The following RFX3 variants were observed in gnomAD, a reference collection of about 807,000 sequenced individuals.
RFX3 encodes transcription factor RFX3.
RFX3 carries 14 observed loss-of-function variants against 98.6 expected under a neutral mutation model. That is an observed-to-expected ratio of 0.14 (90% CI 0.09 to 0.22). RFX3 has a LOEUF of 0.22. Among genes scored for constraint, RFX3 ranks in the 10% least tolerant of loss-of-function variants. The probability of loss-of-function intolerance (pLI) is 1.00; values close to 1 mark genes in which losing one functional copy is unlikely to be tolerated. For synonymous variants in RFX3, 383 were observed against 328.4 expected (o/e 1.17, Z -1.80); for missense variants, 639 against 926.9 (o/e 0.69, Z 4.03).
chr9:3,234,925 C>A (rs1818935220), intron 15 of RFX3, among the ~76,000 whole-genome samples: 1 of 152,170 alleles, frequency 6.6e-6, no homozygotes, highest in Non-Finnish European at 1.5e-5. Context: ...ATATGGGCAT[C>A]AACTGATGAA....
intron 13 of RFX3, among the ~76,000 whole-genome samples, chr9:3,260,304 A>C (rs1185585913): frequency 6.6e-6 from 1 of 151,992 alleles, no homozygotes; most frequent in African/African-American, 2.4e-5. Flanking sequence ...AAGAAAGGGT[A>C]TTCTTAAAGT....
intron 2 of RFX3, among the ~76,000 whole-genome samples, chr9:3,376,653 C>T (rs35945655): frequency 1.3e-5 from 2 of 151,600 alleles, no homozygotes; most frequent in Non-Finnish European, 2.9e-5. Context: ...AGAGTGAACA[C>T]GCAACCTACA....
At chr9:3,307,407 G>A (rs947809009) in intron 4 of RFX3, among the ~76,000 whole-genome samples, 2 of 151,998 alleles carry the variant, frequency 1.3e-5, no homozygotes, top group African/African-American at 4.8e-5. Flanking sequence ...TAATAATTTG[G>A]GATATAATGT....
At position 3,288,265 on chromosome 9, in the gene RFX3, A is replaced by C. The variant is rs1826898312; in HGVS notation, c.732-15T>G. The stretch of plus-strand genomic sequence containing the variant: ...TGGAGTTTCCTCTTCATTAATGAAC[A>C]AGAAACATTAGAAACAAAAGTCAGT... On this transcript the variant is annotated splice_polypyrimidine_tract_variant and intron_variant, in intron 6 of 16. Transcript: ENST00000617270. 8 of 1,610,586 alleles carry C rather than the reference A, an allele frequency of 5.0e-6. No individual in the cohort carries two copies. In the East Asian group the frequency reaches 1.8e-4, roughly 36 times the overall value.
intron 9 of RFX3, among the ~76,000 whole-genome samples, chr9:3,271,421 T>C (rs1824418489): frequency 6.6e-6 from 1 of 151,988 alleles, no homozygotes; most frequent in African/African-American, 2.4e-5. Flanking sequence ...TTTGCTTTCA[T>C]TCCTCTCTTC....
chr9:3,457,924 C>G (rs2132998767), intron 1 of RFX3, among the ~76,000 whole-genome samples: 1 of 151,972 alleles, frequency 6.6e-6, no homozygotes, highest in East Asian at 1.9e-4. Context: ...TCTATATTCC[C>G]AAGATAAAAA....
intron 2 of RFX3, among the ~76,000 whole-genome samples, chr9:3,378,732 T>A (rs1838839040): frequency 6.6e-6 from 1 of 151,908 alleles, no homozygotes; most frequent in Non-Finnish European, 1.5e-5. Flanking sequence ...AATTTTGTGT[T>A]TTGAGTAGAG....
rs539798217 is a variant in RFX3, at chr9:3,482,964, T to C, written c.-9+42783A>G. Reference sequence around the variant, plus strand: ...AATTCTCAATTAGCTATGGGTAGACTATCCACAACCAATCTTGCTTTTGAG... The same window carrying C: ...AATTCTCAATTAGCTATGGGTAGACCATCCACAACCAATCTTGCTTTTGAG... On this transcript the variant is annotated intron_variant, in intron 1 of 16. Coordinates refer to ENST00000617270, the MANE Select transcript of RFX3 (RefSeq NM_001282116.2). 2.0e-5 allele frequency among the ~76,000 whole-genome samples: 3 copies of C among 152,342 alleles called. No homozygotes were observed. The East Asian group carries it at 5.8e-4, about 29-fold the overall frequency.
chr9:3,441,177 C>T (rs1424956563), intron 1 of RFX3, among the ~76,000 whole-genome samples: 1 of 152,078 alleles, frequency 6.6e-6, no homozygotes, highest in Non-Finnish European at 1.5e-5. Context: ...CCATGTTTCT[C>T]ATTGTTGGAT....
At chr9:3,271,969 G>A (rs1037494936) in intron 9 of RFX3, among the ~76,000 whole-genome samples, 2 of 151,924 alleles carry the variant, frequency 1.3e-5, no homozygotes, top group African/African-American at 4.8e-5. Flanking sequence ...TTCAAATCTC[G>A]GGGGCCTCAC....
At position 3,222,497 on chromosome 9, in the gene RFX3, AATG is replaced by A. The variant is rs1336917636; in HGVS notation, c.*2542_*2544del. 1 of 152,334 alleles carries A rather than the reference AATG, an allele frequency of 6.6e-6. No individual in the cohort carries two copies. The highest frequency in any genetic ancestry group is 1.9e-4 in the East Asian group (1 of 5,196). The allele number at this position is 152,334 out of a possible 1,614,324, so 9.4% of individuals were successfully genotyped here. ...AAATATATCCAACATTAAATTAAAC[AATG>A]ATAATAAATACATTTAAAGTCATTC... On this transcript the variant is annotated 3_prime_UTR_variant, in exon 17 of 17. Coordinates refer to ENST00000617270, the MANE Select transcript of RFX3 (RefSeq NM_001282116.2).
chr9:3,464,952 G>C (rs1781104950), intron 1 of RFX3, among the ~76,000 whole-genome samples: 1 of 151,940 alleles, frequency 6.6e-6, no homozygotes, highest in Non-Finnish European at 1.5e-5. Context: ...AAAGGTAAGT[G>C]TCTCTCTCAC....
chr9:3,405,560 A>G (rs1841880001), intron 1 of RFX3, among the ~76,000 whole-genome samples: 2 of 152,224 alleles, frequency 1.3e-5, no homozygotes, highest in Admixed American at 6.5e-5. Flanking sequence ...TCTGCCCTCA[A>G]TGAATTCAAA....
At chr9:3,386,818 T>C (rs931794205) in intron 2 of RFX3, among the ~76,000 whole-genome samples, 3 of 152,142 alleles carry the variant, frequency 2.0e-5, no homozygotes, top group African/African-American at 2.4e-5. Context: ...CAAGTACATA[T>C]GTCTCTTATC....
At chr9:3,390,356 C>T (rs1311098375) in intron 2 of RFX3, among the ~76,000 whole-genome samples, 4 of 152,112 alleles carry the variant, frequency 2.6e-5, no homozygotes, top group Non-Finnish European at 4.4e-5. Context: ...TGGAACAGTT[C>T]GGAGAACTCA....
rs546880508 is a variant in RFX3, at chr9:3,308,834, A to G, written c.475-7214T>C. Among the ~76,000 whole-genome samples the G allele has an allele frequency of 2.0e-5, 3 of 152,194 alleles. No individual in the cohort carries two copies. In the South Asian group the frequency reaches 6.2e-4, roughly 32 times the overall value. On this transcript the variant is annotated intron_variant, in intron 4 of 16. Transcript: ENST00000617270. ...GGAAGGTGTATGGGTTGCTATGAGA[A>G]AATATTTGGAGCACCAGAGAGGAAC...
intron 1 of RFX3, among the ~76,000 whole-genome samples, chr9:3,419,274 C>G (rs1463871577): frequency 6.6e-6 from 1 of 151,976 alleles, no homozygotes; most frequent in Non-Finnish European, 1.5e-5. Context: ...GTAAAGAATA[C>G]CAAATTGATA....
intron 7 of RFX3, among the ~76,000 whole-genome samples, chr9:3,281,156 T>C (rs1313381107): frequency 6.6e-6 from 1 of 151,686 alleles, no homozygotes; most frequent in Non-Finnish European, 1.5e-5. Flanking sequence ...TTTTCCAAGA[T>C]GTCTTTTATA....
At position 3,495,149 on chromosome 9, in the gene RFX3, CCATT is replaced by C. The variant is rs758627201; in HGVS notation, c.-9+30594_-9+30597del. Among the ~76,000 whole-genome samples the C allele has an allele frequency of 1.8e-3, 275 of 151,678 alleles. 1 individual carries two copies. Among genetic ancestry groups the C allele is most frequent in the Admixed American group, 5.2e-3 (79 of 15,244 alleles). Reference sequence around the variant, plus strand: ...ATATATTATACTTTCCCCTATTCAACCATTCAAAGTGCTCAGAATATCAAGGAAA... The same window carrying C: ...ATATATTATACTTTCCCCTATTCAACCAAAGTGCTCAGAATATCAAGGAAA... On this transcript the variant is annotated intron_variant, in intron 1 of 16. Coordinates refer to ENST00000617270, the MANE Select transcript of RFX3 (RefSeq NM_001282116.2).
Sources: allele counts gnomAD v4.1 joint callset (sites outside exome capture counted in the v4.1 genomes callset), GRCh38; gene constraint gnomAD v4.1.1; transcripts MANE v1.5; gene names NCBI Gene and HGNC (gene_info 2026-07-23, HGNC 2026-07-21).